The following PKP2 variants were observed in gnomAD, a reference collection of about 807,000 sequenced individuals.
PKP2 encodes plakophilin 2.
In PKP2, 73 loss-of-function variants were observed where a neutral mutation model predicts 83.4. That is an observed-to-expected ratio of 0.88 (90% CI 0.72 to 1.06). The LOEUF (loss-of-function observed/expected upper bound fraction) is 1.06, where lower values mean the gene tolerates loss of function less well. Ranked by LOEUF, PKP2 falls within the 50% of genes least tolerant of loss-of-function variation. PKP2 has a pLI of 0.00. For missense variants in PKP2, 966 were observed against 1,065.4 expected (o/e 0.91, Z 1.30); for synonymous variants, 409 against 430.4 (o/e 0.95, Z 0.62).
chr12:32,810,554 G>A (rs569725853), intron 9 of PKP2, among the ~76,000 whole-genome samples: 9 of 152,208 alleles, frequency 5.9e-5, no homozygotes, highest in African/African-American at 2.2e-4. Flanking sequence ...CACACTGCTG[G>A]TAGCTAGCAT....
intron 6 of PKP2, among the ~76,000 whole-genome samples, chr12:32,838,701 T>C (rs976332042): frequency 6.6e-6 from 1 of 152,238 alleles, no homozygotes; most frequent in Non-Finnish European, 1.5e-5. Context: ...GCTGAAAACT[T>C]TGCTAAGTGT....
intron 1 of PKP2, among the ~76,000 whole-genome samples, chr12:32,881,877 C>A (rs1232493428): frequency 6.6e-6 from 1 of 152,190 alleles, no homozygotes; most frequent in African/African-American, 2.4e-5. Flanking sequence ...CTTCTCTCCT[C>A]CCCAGGCCAC....
Position 32,878,534 on chromosome 12 carries a change from T to C in PKP2, c.346A>G (p.Thr116Ala), listed in dbSNP as rs1591829089. ...KTYDMLKAGT[T>A]ATYEGRWGRG... ...CCCCAGCGACCTTCATAAGTGGCAG[T>C]TGTGCCAGCCTGCACATGAGAGAAA... The change falls in exon 3 of 13, where the codon ACT (threonine) becomes GCT (alanine). Residue 116 changes from threonine to alanine, a missense_variant. Transcript: ENST00000340811. 3 of 1,611,948 alleles carry C rather than the reference T, an allele frequency of 1.9e-6. No homozygotes were observed. Among genetic ancestry groups the C allele is most frequent in the South Asian group, 2.2e-5 (2 of 90,618 alleles).
chr12:32,824,841 A>G (rs1460738367), intron 6 of PKP2, among the ~76,000 whole-genome samples: 1 of 152,184 alleles, frequency 6.6e-6, no homozygotes, highest in Non-Finnish European at 1.5e-5. Context: ...TATAAACAGT[A>G]ACTAAACCTA....
chr12:32,825,227 G>A (rs1262077199), intron 6 of PKP2, among the ~76,000 whole-genome samples: 1 of 146,058 alleles, frequency 6.8e-6, no homozygotes, highest in East Asian at 2.0e-4. Flanking sequence ...GGAGTGCAGT[G>A]GCGCGATCTC....
In PKP2 at chr12:32,796,261, A is replaced by T; in HGVS notation, c.2205T>A (p.Pro735=). 1 of 1,613,872 alleles carries T rather than the reference A, an allele frequency of 6.2e-7. No homozygotes were observed. The highest frequency in any genetic ancestry group is 8.5e-7 in the Non-Finnish European group (1 of 1,179,832). The change falls in exon 11 of 13, where the codon CCT becomes CCA. Residue 735 remains proline, a synonymous_variant. Transcript: ENST00000340811. ...GAAGGTCAGTACTCGGGACTGTGTC[A>T]GGAATGATGGAAACCAAATCAGGGA... The part of the protein sequence containing the change: ...ETLPDLVSII[P]DTVPSTDLLI...
At chr12:32,893,920 T>C (rs1957097729) in intron 1 of PKP2, 1 of 145,016 alleles carries the variant, frequency 6.9e-6, no homozygotes, top group Non-Finnish European at 1.5e-5. Flanking sequence ...ACTTTTTTTT[T>C]TTTTTTTTTT....
At chr12:32,841,734 G>A (rs994571800) in intron 5 of PKP2, among the ~76,000 whole-genome samples, 2 of 152,210 alleles carry the variant, frequency 1.3e-5, no homozygotes, top group Non-Finnish European at 2.9e-5. Context: ...TCTGCAGAAA[G>A]CCTTTCTCCA....
At chr12:32,861,887 G>GGAGCAACTTTCTTTGTT (rs1956801082) in intron 4 of PKP2, among the ~76,000 whole-genome samples, 1 of 152,060 alleles carries the variant, frequency 6.6e-6, no homozygotes, top group Non-Finnish European at 1.5e-5. Flanking sequence ...AGAAGACAGT[G>GGAGCAACTTTCTTTGTT]GAGCAACTTT....
At chr12:32,813,382 T>C (rs1181115458) in intron 9 of PKP2, among the ~76,000 whole-genome samples, 1 of 152,236 alleles carries the variant, frequency 6.6e-6, no homozygotes, top group African/African-American at 2.4e-5. Flanking sequence ...TTAATGCTAA[T>C]CAACTTACTT....
chr12:32,821,466 G>A lies in PKP2; in HGVS notation c.1903C>T (p.His635Tyr), dbSNP rs757922359. The A allele has an allele frequency of 1.2e-6, 2 of 1,614,002 alleles. No individual in the cohort carries two copies. Among genetic ancestry groups the A allele is most frequent in the East Asian group, 2.2e-5 (1 of 44,866 alleles). The change falls in exon 9 of 13, where the codon CAT (histidine) becomes TAT (tyrosine). Residue 635 changes from histidine (H) to tyrosine (Y), a missense_variant. Transcript: ENST00000340811. ...AGATACATCCTTATAACAATGGAAT[G>A]CCACAGCCACTCCACGCCCTTGGGG... ...SNPKGVEWLWHSIVIRMYLSL... is the reference protein window; with the variant it reads ...SNPKGVEWLWYSIVIRMYLSL...
chr12:32,880,806 C>T (rs1242648210), intron 1 of PKP2, among the ~76,000 whole-genome samples: 1 of 151,376 alleles, frequency 6.6e-6, no homozygotes, highest in Non-Finnish European at 1.5e-5. Flanking sequence ...TTTTCTCTTA[C>T]TGCCTTAAAA....
intron 9 of PKP2, among the ~76,000 whole-genome samples, chr12:32,803,092 G>A (rs1460305326): frequency 1.3e-5 from 2 of 152,018 alleles, no homozygotes; most frequent in South Asian, 2.1e-4. Flanking sequence ...TCTTGGGGCC[G>A]GGTGTGGTGG....
chr12:32,878,811 AAATGAT>A, intron 2 of PKP2, 103 bp downstream of exon 2: 1 of 761,654 alleles, frequency 1.3e-6, no homozygotes, highest in South Asian at 1.5e-5. Flanking sequence ...CTCATTTAGG[AAATGAT>A]AATACTTGGG....
intron 9 of PKP2, among the ~76,000 whole-genome samples, chr12:32,819,583 C>T (rs1430875347): frequency 6.6e-6 from 1 of 152,146 alleles, no homozygotes; most frequent in Non-Finnish European, 1.5e-5. Flanking sequence ...TTACCCAACA[C>T]AGGGATTTGT....
rs140301552 is a variant in PKP2, at chr12:32,843,216, C to T, written c.1379-2011G>A. 27 of 644,342 alleles carry T rather than the reference C, an allele frequency of 4.2e-5. No individual in the cohort carries two copies. The highest frequency in any genetic ancestry group is 5.3e-5 in the Non-Finnish European group (20 of 378,898). The allele number at this position is 644,342 out of a possible 1,614,324, so 39.9% of individuals were successfully genotyped here. On this transcript the variant is annotated intron_variant, in intron 5 of 12. Transcript: ENST00000340811. ...CAGGCTGGTCTCGAACTCCTGACCT[C>T]GTGATCCGCCCGCCTTGGCCTCCCA...
At chr12:32,799,370 G>C (rs1956158727) in intron 10 of PKP2, among the ~76,000 whole-genome samples, 2 of 152,296 alleles carry the variant, frequency 1.3e-5, no homozygotes, top group South Asian at 4.1e-4. Flanking sequence ...ATGGAAAACA[G>C]TATAGAGATT....
chr12:32,877,800 G>T, intron 3 of PKP2, 46 bp downstream of exon 3: 1 of 1,374,804 alleles, frequency 7.3e-7, no homozygotes, highest in Non-Finnish European at 1.0e-6. Context: ...TGTGGGAACA[G>T]AATGTGCTGG....
intron 9 of PKP2, among the ~76,000 whole-genome samples, chr12:32,813,590 G>T (rs1258531493): frequency 2.0e-5 from 3 of 151,912 alleles, no homozygotes; most frequent in Non-Finnish European, 2.9e-5. Context: ...GACCAGCTGG[G>T]CAACATAGTG....
Sources: allele counts gnomAD v4.1 joint callset (sites outside exome capture counted in the v4.1 genomes callset), GRCh38; gene constraint gnomAD v4.1.1; transcripts MANE v1.5; gene names NCBI Gene and HGNC (gene_info 2026-07-23, HGNC 2026-07-21).